Variants in NLGN1 observed in about 807,000 individuals in gnomAD.
NLGN1 encodes neuroligin 1.
Under a neutral mutation model 65.5 loss-of-function variants are expected in NLGN1, and 12 were observed. The observed-to-expected ratio is 0.18, with a 90% confidence interval of 0.12 to 0.30. The LOEUF (loss-of-function observed/expected upper bound fraction) is 0.30. NLGN1 is among the 10% of genes least tolerant of loss of function. NLGN1 has a pLI of 1.00. For missense variants in NLGN1, 750 were observed against 1,007.1 expected (o/e 0.74, Z 3.46); for synonymous variants, 350 against 359.5 (o/e 0.97, Z 0.30).
At chr3:174,015,807 C>T (rs370095050) in intron 4 of NLGN1, among the ~76,000 whole-genome samples, 45 of 152,018 alleles carry the variant, frequency 3.0e-4, no homozygotes, top group Admixed American at 1.3e-3. Context: ...CTAGTATTTT[C>T]AGCAAATAAA....
intron 2 of NLGN1, among the ~76,000 whole-genome samples, chr3:173,591,405 A>C (rs1262816638): frequency 6.6e-6 from 1 of 152,206 alleles, no homozygotes; most frequent in East Asian, 1.9e-4. Context: ...AAGCCAGGTC[A>C]GGAGTGACAG....
At chr3:173,440,223 AG>A (rs1718921821) in intron 2 of NLGN1, among the ~76,000 whole-genome samples, 1 of 152,040 alleles carries the variant, frequency 6.6e-6, no homozygotes, top group African/African-American at 2.4e-5. Flanking sequence ...TTTTAATTCT[AG>A]TTTTTTTGCT....
chr3:173,992,043 G>C (rs1216845402), intron 4 of NLGN1, among the ~76,000 whole-genome samples: 2 of 152,006 alleles, frequency 1.3e-5, no homozygotes, highest in African/African-American at 4.8e-5. Flanking sequence ...GGTCAATCTG[G>C]TCTCGAACTC....
intron 4 of NLGN1, among the ~76,000 whole-genome samples, chr3:173,967,502 T>C (rs1223757949): frequency 6.6e-6 from 1 of 152,246 alleles, no homozygotes; most frequent in African/African-American, 2.4e-5. Flanking sequence ...TCCCTTAGTG[T>C]CCTCACAGGT....
intron 4 of NLGN1, among the ~76,000 whole-genome samples, chr3:174,078,912 T>C (rs1031443084): frequency 1.3e-5 from 2 of 152,194 alleles, no homozygotes; most frequent in African/African-American, 4.8e-5. Flanking sequence ...ATCTAAAGAA[T>C]GATTCCTTAA....
intron 3 of NLGN1, among the ~76,000 whole-genome samples, chr3:173,700,332 A>C (rs1285174487): frequency 6.6e-6 from 1 of 152,206 alleles, no homozygotes; most frequent in Non-Finnish European, 1.5e-5. Flanking sequence ...ATTTTAATTA[A>C]ATCTTACAGA....
chr3:174,028,440 TAACA>T (rs1729280315), intron 4 of NLGN1, among the ~76,000 whole-genome samples: 1 of 152,218 alleles, frequency 6.6e-6, no homozygotes, highest in South Asian at 2.1e-4. Flanking sequence ...TGCTATGTTT[TAACA>T]AACAGACTGG....
intron 4 of NLGN1, among the ~76,000 whole-genome samples, chr3:174,046,895 G>C (rs1474317215): frequency 2.0e-5 from 3 of 152,006 alleles, no homozygotes; most frequent in Non-Finnish European, 4.4e-5. Context: ...GGGTATGAGA[G>C]TTGTATAGTA....
At chr3:173,510,540 A>T (rs1036627271) in intron 2 of NLGN1, among the ~76,000 whole-genome samples, 3 of 152,206 alleles carry the variant, frequency 2.0e-5, no homozygotes, top group African/African-American at 7.2e-5. Flanking sequence ...CATGCCTAAA[A>T]AATTGTTTTA....
At chr3:174,116,248 A>G (rs1716396079) in intron 4 of NLGN1, among the ~76,000 whole-genome samples, 1 of 151,794 alleles carries the variant, frequency 6.6e-6, no homozygotes, top group African/African-American at 2.4e-5. Context: ...CGTCATCAAC[A>G]TCACTATCAT....
Position 173,695,574 on chromosome 3 carries a change from G to A in NLGN1, c.493+90483G>A, listed in dbSNP as rs1335442312. Reference sequence around the variant, plus strand: ...TTTCAGTGCCTCTTACACTATACTAGCATGCTAACTATTAAATATTTTGTT... The same window carrying A: ...TTTCAGTGCCTCTTACACTATACTAACATGCTAACTATTAAATATTTTGTT... On this transcript the variant is annotated intron_variant, in intron 3 of 6. Transcript: ENST00000457714. 3 of 342,262 alleles carry A rather than the reference G, an allele frequency of 8.8e-6. No homozygotes were observed. In the East Asian group the frequency reaches 2.5e-4, roughly 28 times the overall value. 21.2% of individuals were successfully genotyped at this position (342,262 alleles called of 1,614,324 possible).
chr3:174,199,492 T>TTC (rs944225033), intron 4 of NLGN1, among the ~76,000 whole-genome samples: 8 of 151,232 alleles, frequency 5.3e-5, no homozygotes, highest in Non-Finnish European at 1.0e-4. Context: ...CAGAGGGGAG[T>TTC]AAGTCTGAAC....
chr3:173,692,568 C>T (rs754152273), intron 3 of NLGN1, among the ~76,000 whole-genome samples: 4 of 151,882 alleles, frequency 2.6e-5, no homozygotes, highest in Non-Finnish European at 4.4e-5. Flanking sequence ...TATCTAATAC[C>T]TGCAGTGGGT....
chr3:174,220,688 A>G (rs900718332), intron 4 of NLGN1, among the ~76,000 whole-genome samples: 38 of 125,854 alleles, frequency 3.0e-4, no homozygotes, highest in African/African-American at 1.1e-3. Context: ...GTGTAGATCC[A>G]TTTTTTGAAT....
intron 1 of NLGN1, among the ~76,000 whole-genome samples, chr3:173,408,969 C>T (rs369593010): frequency 1.0e-4 from 15 of 150,526 alleles, no homozygotes; most frequent in African/African-American, 2.2e-4. Flanking sequence ...ACTCAAAATA[C>T]GCTGGGAATA....
At chr3:174,025,537 A>C (rs1728665866) in intron 4 of NLGN1, among the ~76,000 whole-genome samples, 1 of 152,198 alleles carries the variant, frequency 6.6e-6, no homozygotes, top group Non-Finnish European at 1.5e-5. Context: ...GGACTCCAAG[A>C]GAAAATGGAC....
intron 2 of NLGN1, among the ~76,000 whole-genome samples, chr3:173,458,802 G>A (rs1722911679): frequency 6.6e-6 from 1 of 152,158 alleles, no homozygotes; most frequent in Admixed American, 6.5e-5. Flanking sequence ...ATTCAGGGAT[G>A]TTGGTGCTCT....
intron 4 of NLGN1, among the ~76,000 whole-genome samples, chr3:174,098,329 A>G (rs1331864471): frequency 1.3e-5 from 2 of 152,108 alleles, no homozygotes; most frequent in African/African-American, 4.8e-5. Context: ...TGTTCTTACA[A>G]CAAAAGGAAA....
In NLGN1 at chr3:173,693,028, G is replaced by A. The variant is rs535884010; in HGVS notation, c.493+87937G>A. Among the ~76,000 whole-genome samples, 14 of 152,222 alleles carry A rather than the reference G, an allele frequency of 9.2e-5. No individual in the cohort carries two copies. The South Asian group carries it at 2.9e-3, about 31-fold the overall frequency. ...GCATGGTTCAAATTGGTGGCCTAAA[G>A]AGATTTGTTACTTGATTACCTCAAG... On this transcript the variant is annotated intron_variant, in intron 3 of 6. Transcript: ENST00000457714.
Sources: gnomAD v4.1 joint callset for allele counts (sites outside exome capture counted in the v4.1 genomes callset) on GRCh38, gnomAD v4.1.1 for gene constraint, MANE v1.5 for transcripts, NCBI Gene and HGNC (gene_info 2026-07-23, HGNC 2026-07-21) for gene names.